CSMD1: variants seen among roughly 807,000 people sequenced by gnomAD.
CSMD1 encodes CUB and sushi domain-containing protein 1.
A neutral mutation model predicts 417.5 loss-of-function variants in CSMD1; 213 were observed. The ratio of observed to expected loss-of-function variants is 0.51; its 90% CI spans 0.46 to 0.57. The LOEUF is 0.57. Among genes scored for constraint, CSMD1 ranks in the 20% least tolerant of loss-of-function variants. The pLI, the probability that CSMD1 is intolerant of heterozygous loss-of-function variation, is 0.00. For synonymous variants in CSMD1, 2,862 were observed against 1,736.8 expected, an observed-to-expected ratio of 1.65 and a Z score of -16.11; for missense variants, 6,923 against 4,529.7, an observed-to-expected ratio of 1.53 and a Z score of -15.17.
chr8:2,945,378 GTA>G (rs1471078127), intron 68 of CSMD1, among the ~76,000 whole-genome samples: 1 of 152,126 alleles, frequency 6.6e-6, no homozygotes, highest in African/African-American at 2.4e-5. Flanking sequence ...AAGGTGTGTA[GTA>G]TTCTACTGAT....
chr8:4,041,020 T>G (rs1342545681), intron 3 of CSMD1, among the ~76,000 whole-genome samples: 5,314 of 138,132 alleles, frequency 0.038, 288 homozygotes, highest in African/African-American at 0.13. Context: ...TTTTTTCCTT[T>G]TTTTTTTTTT....
chr8:3,758,939 A>C (rs1403175162), intron 5 of CSMD1, among the ~76,000 whole-genome samples: 1 of 152,206 alleles, frequency 6.6e-6, no homozygotes, highest in Non-Finnish European at 1.5e-5. Flanking sequence ...CCTGTGGACA[A>C]AGGTCAGAGT....
intron 2 of CSMD1, among the ~76,000 whole-genome samples, chr8:4,479,635 C>G (rs1247448999): frequency 6.6e-6 from 1 of 152,100 alleles, no homozygotes; most frequent in Non-Finnish European, 1.5e-5. Flanking sequence ...GTGGCTCACG[C>G]CTGTAATCCC....
intron 15 of CSMD1, among the ~76,000 whole-genome samples, chr8:3,403,961 T>A (rs1161531): frequency 6.6e-6 from 1 of 152,154 alleles, no homozygotes; most frequent in Non-Finnish European, 1.5e-5. Flanking sequence ...GCCCTTCTAT[T>A]TATCAATATT....
At chr8:3,805,463 C>T (rs566560709) in intron 5 of CSMD1, among the ~76,000 whole-genome samples, 1 of 152,310 alleles carries the variant, frequency 6.6e-6, no homozygotes, top group East Asian at 1.9e-4. Flanking sequence ...TACTCCCTCC[C>T]TCTTTCTGAC....
At chr8:4,646,793 T>G (rs1175565211) in intron 1 of CSMD1, among the ~76,000 whole-genome samples, 1 of 152,200 alleles carries the variant, frequency 6.6e-6, no homozygotes, top group African/African-American at 2.4e-5. Flanking sequence ...TTGAAGCTAA[T>G]ACAAGCTCTC....
At chr8:4,645,409 G>T (rs1222178608) in intron 1 of CSMD1, among the ~76,000 whole-genome samples, 3 of 101,504 alleles carry the variant, frequency 3.0e-5, no homozygotes, top group East Asian at 3.2e-4. Context: ...ACTCTGAAAA[G>T]ACAAATTGCC....
At position 4,235,365 on chromosome 8, in the gene CSMD1, T is replaced by TG. The variant is rs1307911761; in HGVS notation, c.415+184587_415+184588insC. On this transcript the variant is annotated intron_variant, in intron 3 of 69. Transcript: ENST00000635120. ...TTAATCAAAAGACGTGTTTTGTTTT[T>TG]TTTTTGTTTGTTTGTTTTTTGTTTT... Among the ~76,000 whole-genome samples the TG allele has an allele frequency of 3.3e-5, 5 of 151,910 alleles. No homozygotes were observed. The South Asian group carries it at 6.3e-4, about 19-fold the overall frequency.
intron 3 of CSMD1, among the ~76,000 whole-genome samples, chr8:4,177,440 G>C (rs1474072647): frequency 6.6e-6 from 1 of 151,898 alleles, no homozygotes; most frequent in African/African-American, 2.4e-5. Flanking sequence ...AGTGTGTAGA[G>C]GGAAACTTAT....
At chr8:4,224,710 A>G (rs549767035) in intron 3 of CSMD1, among the ~76,000 whole-genome samples, 1 of 152,230 alleles carries the variant, frequency 6.6e-6, no homozygotes, top group Non-Finnish European at 1.5e-5. Context: ...TTACTAATAT[A>G]GCTTCTTTTT....
At chr8:4,333,948 G>A (rs1012506332) in intron 3 of CSMD1, among the ~76,000 whole-genome samples, 2 of 152,106 alleles carry the variant, frequency 1.3e-5, no homozygotes, top group Non-Finnish European at 2.9e-5. Context: ...CTGGAGGGCA[G>A]TGACACCATC....
At position 3,245,053 on chromosome 8, in the gene CSMD1, C is replaced by T. The variant is rs535181263; in HGVS notation, c.4154-14822G>A. On this transcript the variant is annotated intron_variant, in intron 26 of 69. Coordinates refer to ENST00000635120, the MANE Select transcript of CSMD1 (RefSeq NM_033225.6). ...ACAGGAGGGTATTTTAGAAGGTCAA[C>T]TGTGGAGGAAAGGGGACGTGTTAGC... 3.9e-5 allele frequency among the ~76,000 whole-genome samples: 6 copies of T among 152,322 alleles called. No homozygotes were observed. The South Asian group carries it at 1.2e-3, about 32-fold the overall frequency.
In CSMD1 at chr8:4,601,246, G is replaced by A. The variant is rs549832859; in HGVS notation, c.302+36096C>T. Among the ~76,000 whole-genome samples, 19 of 152,258 alleles carry A rather than the reference G, an allele frequency of 1.2e-4. No homozygotes were observed. In the South Asian group the frequency reaches 2.5e-3, roughly 20 times the overall value. ...GCCGGGATTACAGGCGTGAGCCACC[G>A]CACCTGGCCAGATTTTTTTTAAAAA... On this transcript the variant is annotated intron_variant, in intron 2 of 69. Coordinates refer to ENST00000635120, the MANE Select transcript of CSMD1 (RefSeq NM_033225.6).
intron 50 of CSMD1, among the ~76,000 whole-genome samples, chr8:3,050,362 T>C (rs1056373051): frequency 6.6e-6 from 1 of 152,220 alleles, no homozygotes; most frequent in Non-Finnish European, 1.5e-5. Context: ...TTATGAGTTT[T>C]GTAGATAAGC....
chr8:4,250,406 T>A (rs1802987137), intron 3 of CSMD1, among the ~76,000 whole-genome samples: 1 of 152,078 alleles, frequency 6.6e-6, no homozygotes, highest in East Asian at 1.9e-4. Context: ...TGGTTGAGGA[T>A]CCAATATTGT....
At chr8:3,664,624 T>C (rs12542035) in intron 7 of CSMD1, among the ~76,000 whole-genome samples, 8,182 of 152,314 alleles carry the variant, frequency 0.054, 312 homozygotes, top group Non-Finnish European at 0.082. Context: ...CTCCCCACCA[T>C]TTCAAAGGCT....
chr8:4,508,357 C>G (rs551979703), intron 2 of CSMD1, among the ~76,000 whole-genome samples: 2 of 152,098 alleles, frequency 1.3e-5, no homozygotes, highest in East Asian at 3.9e-4. Flanking sequence ...ATGGGACTTC[C>G]AGTTAGTTCA....
intron 8 of CSMD1, among the ~76,000 whole-genome samples, chr8:3,594,949 A>T (rs1227248778): frequency 6.6e-6 from 1 of 152,234 alleles, no homozygotes; most frequent in Non-Finnish European, 1.5e-5. Context: ...AACATCTCCT[A>T]GATGTGGAAG....
intron 1 of CSMD1, among the ~76,000 whole-genome samples, chr8:4,895,310 GTCTT>G (rs989942517): frequency 6.6e-6 from 1 of 152,100 alleles, no homozygotes; most frequent in Non-Finnish European, 1.5e-5. Context: ...TGACTTAGTT[GTCTT>G]TGTTTCTCTC....
Sources: allele counts gnomAD v4.1 joint callset (sites outside exome capture counted in the v4.1 genomes callset), GRCh38; gene constraint gnomAD v4.1.1; transcripts MANE v1.5; gene names NCBI Gene and HGNC (gene_info 2026-07-23, HGNC 2026-07-21).